The following SH3RF3 variants were observed in gnomAD, a reference collection of about 807,000 sequenced individuals.
The protein encoded by SH3RF3 is SH3 domain containing ring finger 3.
SH3RF3 carries 29 observed loss-of-function variants against 66.3 expected under a neutral mutation model. The observed-to-expected ratio is 0.44, with a 90% CI of 0.33 to 0.60. The LOEUF (loss-of-function observed/expected upper bound fraction) is 0.60. SH3RF3 is among the 20% of genes least tolerant of loss of function. The pLI is 0.04. For synonymous variants in SH3RF3, 583 were observed against 532.0 expected, an observed-to-expected ratio of 1.10 and a Z score of -1.32; for missense variants, 1,194 against 1,190.9, an observed-to-expected ratio of 1.00 and a Z score of -0.04.
chr2:109,404,030 A>C (rs764513571), intron 4 of SH3RF3, among the ~76,000 whole-genome samples: 3 of 152,210 alleles, frequency 2.0e-5, no homozygotes, highest in Admixed American at 6.5e-5. Context: ...ACCAGGCACC[A>C]GACACATCAT....
intron 1 of SH3RF3, among the ~76,000 whole-genome samples, chr2:109,192,645 C>A (rs1678396717): frequency 6.6e-6 from 1 of 152,140 alleles, no homozygotes; most frequent in Non-Finnish European, 1.5e-5. Context: ...GAAGGTAATG[C>A]AAATAGGCCT....
intron 1 of SH3RF3, among the ~76,000 whole-genome samples, chr2:109,265,733 T>G (rs1238354375): frequency 6.6e-6 from 1 of 152,118 alleles, no homozygotes; most frequent in East Asian, 1.9e-4. Flanking sequence ...AGTTGCAGGG[T>G]TTTTATCAAT....
intron 1 of SH3RF3, among the ~76,000 whole-genome samples, chr2:109,210,089 G>A (rs1678937503): frequency 1.3e-5 from 2 of 152,156 alleles, no homozygotes; most frequent in African/African-American, 4.8e-5. Flanking sequence ...ATTTCATTTA[G>A]CACAGGGTCC....
intron 1 of SH3RF3, among the ~76,000 whole-genome samples, chr2:109,209,514 G>A (rs919073779): frequency 6.6e-6 from 1 of 152,160 alleles, no homozygotes; most frequent in Non-Finnish European, 1.5e-5. Flanking sequence ...GGTACAGCAA[G>A]GGAGGCGAGA....
chr2:109,166,932 T>G (rs1328202518), intron 1 of SH3RF3, among the ~76,000 whole-genome samples: 2 of 152,226 alleles, frequency 1.3e-5, no homozygotes, highest in South Asian at 2.1e-4. Flanking sequence ...GCATGCAACA[T>G]GATGCATCCA....
chr2:109,254,064 G>T (rs1680159632), intron 1 of SH3RF3, among the ~76,000 whole-genome samples: 1 of 152,140 alleles, frequency 6.6e-6, no homozygotes, highest in East Asian at 2.0e-4. Context: ...TCTTGAAGGG[G>T]TGCTTTTTCT....
chr2:109,348,671 C>T (rs1212590000), intron 2 of SH3RF3, among the ~76,000 whole-genome samples: 1 of 152,156 alleles, frequency 6.6e-6, no homozygotes, highest in Non-Finnish European at 1.5e-5. Context: ...ACCTCGTTTT[C>T]TCCATGTGTA....
chr2:109,211,011 C>T (rs1339993923), intron 1 of SH3RF3, among the ~76,000 whole-genome samples: 1 of 152,216 alleles, frequency 6.6e-6, no homozygotes, highest in African/African-American at 2.4e-5. Context: ...CTTCTTCCTC[C>T]TGGCACACGG....
At chr2:109,403,269 G>A (rs1676363598) in intron 4 of SH3RF3, among the ~76,000 whole-genome samples, 1 of 152,210 alleles carries the variant, frequency 6.6e-6, no homozygotes, top group Non-Finnish European at 1.5e-5. Context: ...GGGTGCGTCT[G>A]TAGTTTGCCT....
chr2:109,374,928 C>G (rs1559049612), intron 3 of SH3RF3, among the ~76,000 whole-genome samples: 1 of 152,224 alleles, frequency 6.6e-6, no homozygotes, highest in Non-Finnish European at 1.5e-5. Context: ...CTGCACAGTG[C>G]TCTCCCTCCG....
chr2:109,501,885 A>C lies in SH3RF3; in HGVS notation c.*214A>C. ...GGAGAGCACACCTGGGATGTTCTTC[A>C]AGGAAATGCCCACCCCCTCTGTGGA... On this transcript the variant is annotated 3_prime_UTR_variant, in exon 10 of 10. Transcript: ENST00000309415. The C allele has an allele frequency of 1.9e-6, 1 of 533,540 alleles. No homozygotes were observed. Among genetic ancestry groups the C allele is most frequent in the Non-Finnish European group, 3.4e-6 (1 of 298,198 alleles). The allele number at this position is 533,540 out of a possible 1,614,324, so 33.1% of individuals were successfully genotyped here. A position where few individuals can be genotyped will look rare whatever the true frequency, so the allele number is the denominator to read the frequency against.
chr2:109,488,925 C>G (rs374860373), intron 8 of SH3RF3, among the ~76,000 whole-genome samples: 1 of 152,180 alleles, frequency 6.6e-6, no homozygotes, highest in Non-Finnish European at 1.5e-5. Flanking sequence ...TCTGGATCCC[C>G]GTGCTGCATG....
intron 2 of SH3RF3, among the ~76,000 whole-genome samples, chr2:109,359,171 C>G (rs1038087414): frequency 6.6e-6 from 1 of 152,148 alleles, no homozygotes; most frequent in Non-Finnish European, 1.5e-5. Context: ...AGACTGTCTT[C>G]ATTATTGTAA....
At chr2:109,452,499 GTGC>G (rs1677904058) in intron 8 of SH3RF3, among the ~76,000 whole-genome samples, 1 of 152,232 alleles carries the variant, frequency 6.6e-6, no homozygotes, top group Non-Finnish European at 1.5e-5. Context: ...CCTAGCGCTA[GTGC>G]TGCTAAATTC....
At chr2:109,335,352 G>A (rs982830638) in intron 1 of SH3RF3, among the ~76,000 whole-genome samples, 1 of 152,166 alleles carries the variant, frequency 6.6e-6, no homozygotes, top group East Asian at 1.9e-4. Context: ...TCTCAATGGC[G>A]TTTATTTCCT....
chr2:109,270,302 C>T (rs1454385917), intron 1 of SH3RF3, among the ~76,000 whole-genome samples: 1 of 152,200 alleles, frequency 6.6e-6, no homozygotes, highest in Non-Finnish European at 1.5e-5. Context: ...AGGTGGCAAG[C>T]AGCCCTGTTG....
At chr2:109,494,321 T>C (rs1679200565) in intron 9 of SH3RF3, among the ~76,000 whole-genome samples, 1 of 152,110 alleles carries the variant, frequency 6.6e-6, no homozygotes, top group Non-Finnish European at 1.5e-5. Context: ...AAGCACTCTG[T>C]AGCACTCATT....
At chr2:109,421,723 T>C (rs1449816394) in intron 5 of SH3RF3, among the ~76,000 whole-genome samples, 1 of 152,150 alleles carries the variant, frequency 6.6e-6, no homozygotes, top group African/African-American at 2.4e-5. Context: ...AACTTATGTG[T>C]CGGACAACAT....
chr2:109,445,217 C>T (rs1559087247), intron 7 of SH3RF3, among the ~76,000 whole-genome samples: 1 of 152,160 alleles, frequency 6.6e-6, no homozygotes, highest in Non-Finnish European at 1.5e-5. Flanking sequence ...CTACTTCTAA[C>T]AGGATTTTCA....
Sources: allele counts gnomAD v4.1 joint callset (sites outside exome capture counted in the v4.1 genomes callset), GRCh38; gene constraint gnomAD v4.1.1; transcripts MANE v1.5; gene names NCBI Gene and HGNC (gene_info 2026-07-23, HGNC 2026-07-21).